Variants in CCDC91 observed in about 807,000 individuals in gnomAD.
CCDC91 encodes the protein coiled-coil domain containing 91.
A neutral mutation model predicts 63.2 loss-of-function variants in CCDC91; 48 were observed. The ratio of observed to expected loss-of-function variants is 0.76; its 90% confidence interval spans 0.60 to 0.97. The LOEUF is 0.97. Among genes scored for constraint, CCDC91 ranks in the 50% least tolerant of loss-of-function variants. The pLI, the probability that CCDC91 is intolerant of heterozygous loss-of-function variation, is 0.00. For missense variants in CCDC91, 500 were observed against 494.6 expected (o/e 1.01, Z -0.10); for synonymous variants, 167 against 165.8 (o/e 1.01, Z -0.06).
At chr12:28,424,459 C>G (rs1948192999) in intron 8 of CCDC91, among the ~76,000 whole-genome samples, 1 of 152,148 alleles carries the variant, frequency 6.6e-6, no homozygotes, top group African/African-American at 2.4e-5. Flanking sequence ...CCATTTCCCC[C>G]TAAATACTTA....
chr12:28,272,833 A>T (rs1289748067), intron 3 of CCDC91, among the ~76,000 whole-genome samples: 1 of 151,906 alleles, frequency 6.6e-6, no homozygotes, highest in Non-Finnish European at 1.5e-5. Context: ...GTGCTTGTAT[A>T]AAAATTCTTT....
Position 28,519,014 on chromosome 12 carries a change from C to T in CCDC91, c.1216-30049C>T, listed in dbSNP as rs537275030. On this transcript the variant is annotated intron_variant, in intron 12 of 12. Coordinates refer to ENST00000536442, the MANE Select transcript of CCDC91 (RefSeq NM_018318.5). ...TCTATTTTGTTTTTGCTTAGTCTTG[C>T]TTTGGCTATACAGGCTCTTTTTTGG... Among the ~76,000 whole-genome samples the T allele has an allele frequency of 4.6e-5, 7 of 151,816 alleles. No homozygotes were observed. In the East Asian group the frequency reaches 7.8e-4, roughly 17 times the overall value.
intron 12 of CCDC91, among the ~76,000 whole-genome samples, chr12:28,531,488 C>T (rs1377173478): frequency 6.6e-6 from 1 of 152,068 alleles, no homozygotes; most frequent in Admixed American, 6.6e-5. Context: ...TTTAGTGATG[C>T]AGACCTCTTT....
chr12:28,215,643 A>G (rs1334484951), intron 1 of CCDC91, among the ~76,000 whole-genome samples: 1 of 152,100 alleles, frequency 6.6e-6, no homozygotes, highest in African/African-American at 2.4e-5. Flanking sequence ...ACTAAATACT[A>G]TGTAAAAGGA....
chr12:28,301,215 A>G (rs1471900121), intron 3 of CCDC91, among the ~76,000 whole-genome samples: 2 of 151,430 alleles, frequency 1.3e-5, no homozygotes, highest in African/African-American at 2.4e-5. Context: ...GCTGAGGTTT[A>G]TATATTTTAT....
intron 6 of CCDC91, among the ~76,000 whole-genome samples, chr12:28,326,483 C>T (rs534247798): frequency 5.3e-5 from 8 of 150,844 alleles, no homozygotes; most frequent in South Asian, 4.2e-4. Context: ...ATGTGCCATG[C>T]TGGTGCGCTG....
intron 12 of CCDC91, among the ~76,000 whole-genome samples, chr12:28,533,694 A>G (rs1941925964): frequency 6.6e-6 from 1 of 152,044 alleles, no homozygotes; most frequent in Non-Finnish European, 1.5e-5. Flanking sequence ...AGCCATTACA[A>G]TGACCCTTAA....
chr12:28,229,989 A>G lies in CCDC91; in HGVS notation c.-14-27213A>G, dbSNP rs774197233. ...TCTTTATCTTTGTTGACTTTTTATC[A>G]AGGCTAAACTTTTCATTATTCATTC... On this transcript the variant is annotated intron_variant, in intron 1 of 12. Coordinates refer to ENST00000536442, the MANE Select transcript of CCDC91 (RefSeq NM_018318.5). 3.9e-5 allele frequency among the ~76,000 whole-genome samples: 6 copies of G among 152,136 alleles called. No homozygotes were observed. In the South Asian group the frequency reaches 8.3e-4, roughly 21 times the overall value.
At chr12:28,508,425 G>A (rs1235356603) in intron 12 of CCDC91, among the ~76,000 whole-genome samples, 2 of 151,658 alleles carry the variant, frequency 1.3e-5, no homozygotes, top group Admixed American at 6.6e-5. Flanking sequence ...GACCTATAAG[G>A]CCCTGGGTGC....
In CCDC91 at chr12:28,407,006, T is replaced by G. The variant is rs141711483; in HGVS notation, c.762+15595T>G. ...TTGAATCATGGAGGCAGTTTTCTCA[T>G]GAATGATTTAGTACCATCCCCTTGG... On this transcript the variant is annotated intron_variant, in intron 8 of 12. Coordinates refer to ENST00000536442, the MANE Select transcript of CCDC91 (RefSeq NM_018318.5). Among the ~76,000 whole-genome samples the G allele has an allele frequency of 3.9e-3, 587 of 152,248 alleles. 7 individuals carry two copies. The highest frequency in any genetic ancestry group is 0.013 in the African/African-American group (555 of 41,556).
chr12:28,218,945 T>G lies in CCDC91; in HGVS notation c.-15+28304T>G, dbSNP rs969337924. Among the ~76,000 whole-genome samples, 6 of 152,350 alleles carry G rather than the reference T, an allele frequency of 3.9e-5. No homozygotes were observed. In the East Asian group the frequency reaches 1.2e-3, roughly 29 times the overall value. On this transcript the variant is annotated intron_variant, in intron 1 of 12. Coordinates refer to ENST00000536442, the MANE Select transcript of CCDC91 (RefSeq NM_018318.5). ...TCTGACAGGTCTTTATGTGGACATA[T>G]GTTTTCTCTTAGGTCAATAGCTTGG...
At chr12:28,456,917 GGAAATAATTTCTAGAT>G (rs1950083050) in intron 11 of CCDC91, among the ~76,000 whole-genome samples, 1 of 152,016 alleles carries the variant, frequency 6.6e-6, no homozygotes, top group Non-Finnish European at 1.5e-5. Flanking sequence ...TAAATAAAAA[GGAAATAATTTCTAGAT>G]AGGGTTCTAT....
Position 28,307,673 on chromosome 12 carries a change from A to G in CCDC91, c.500A>G (p.Asn167Ser). 1.9e-6 allele frequency: 3 copies of G among 1,575,614 alleles called. No homozygotes were observed. The highest frequency in any genetic ancestry group is 1.7e-6 in the Non-Finnish European group (2 of 1,157,576). Reference protein sequence around the residue: ...QDVESLMEKHNVLEKGFLKEK... With the variant: ...QDVESLMEKHSVLEKGFLKEK... ...GTGGAATCATTGATGGAAAAGCATA[A>G]TGTCTTAGAAAAAGGCTTTCTAAAA... The change falls in exon 6 of 13, where the codon AAT becomes AGT. Residue 167 changes from asparagine to serine, a missense_variant. Asn to Ser is a conservative substitution (Grantham distance 46). Transcript: ENST00000536442.
intron 12 of CCDC91, among the ~76,000 whole-genome samples, chr12:28,509,447 T>A (rs1939122267): frequency 6.6e-6 from 1 of 151,898 alleles, no homozygotes; most frequent in African/African-American, 2.4e-5. Context: ...CATGAAAGAC[T>A]GAGTATTATT....
intron 1 of CCDC91, among the ~76,000 whole-genome samples, chr12:28,217,963 C>A (rs1222412293): frequency 6.6e-6 from 1 of 152,132 alleles, no homozygotes; most frequent in African/African-American, 2.4e-5. Context: ...TACTTATCAT[C>A]TAAGGTTGTC....
intron 11 of CCDC91, among the ~76,000 whole-genome samples, chr12:28,479,301 A>T (rs940917517): frequency 6.6e-6 from 1 of 152,188 alleles, no homozygotes; most frequent in South Asian, 2.1e-4. Flanking sequence ...GGAAGAGTTC[A>T]TGTCCTTTGT....
intron 6 of CCDC91, among the ~76,000 whole-genome samples, chr12:28,338,026 A>G (rs1415845849): frequency 6.6e-6 from 1 of 152,194 alleles, no homozygotes; most frequent in Non-Finnish European, 1.5e-5. Flanking sequence ...CCCAAGAGAC[A>G]GAAGTCTTGA....
At chr12:28,280,362 A>G (rs761994959) in intron 3 of CCDC91, among the ~76,000 whole-genome samples, 1 of 151,850 alleles carries the variant, frequency 6.6e-6, no homozygotes, top group Non-Finnish European at 1.5e-5. Context: ...TTTTTCCTGT[A>G]TACATCTCTG....
intron 11 of CCDC91, among the ~76,000 whole-genome samples, chr12:28,472,687 TAATA>T (rs1272622891): frequency 1.3e-4 from 20 of 152,188 alleles, no homozygotes; most frequent in East Asian, 3.8e-4. Flanking sequence ...ATATTTATAG[TAATA>T]AATGAATATA....
Sources: allele counts gnomAD v4.1 joint callset (sites outside exome capture counted in the v4.1 genomes callset), GRCh38; gene constraint gnomAD v4.1.1; transcripts MANE v1.5; gene names NCBI Gene and HGNC (gene_info 2026-07-23, HGNC 2026-07-21).